MBP: variants seen among roughly 807,000 people sequenced by gnomAD.
The protein encoded by MBP is myelin basic protein.
Under a neutral mutation model 35.8 loss-of-function variants are expected in MBP, and 16 were observed. That is an observed-to-expected ratio of 0.45 (90% CI 0.30 to 0.68). The LOEUF is 0.68. MBP is among the 30% of genes least tolerant of loss of function. MBP has a pLI of 0.08. For missense variants in MBP, 380 were observed against 404.7 expected, an observed-to-expected ratio of 0.94 and a Z score of 0.52; for synonymous variants, 143 against 159.6, an observed-to-expected ratio of 0.90 and a Z score of 0.78.
At chr18:77,098,168 C>CTGTTTTTTTTTTTTTTTT (rs1975843264) in intron 2 of MBP, among the ~76,000 whole-genome samples, 1 of 108,546 alleles carries the variant, frequency 9.2e-6, no homozygotes, top group Non-Finnish European at 1.8e-5. Flanking sequence ...CAAGGACTTC[C>CTGTTTTTTTTTTTTTTTT]TTTTTTTTTT....
intron 1 of MBP, among the ~76,000 whole-genome samples, chr18:77,111,743 C>A (rs1300738567): frequency 1.3e-5 from 2 of 152,190 alleles, no homozygotes; most frequent in Non-Finnish European, 2.9e-5. Context: ...CACCGCCCAC[C>A]CTCCCTGCAG....
chr18:77,055,430 C>A (rs1275622019), intron 3 of MBP, among the ~76,000 whole-genome samples: 2 of 152,194 alleles, frequency 1.3e-5, no homozygotes, highest in Admixed American at 1.3e-4. Flanking sequence ...TCCCTCCCAG[C>A]CCAGTGCCAC....
intron 4 of MBP, among the ~76,000 whole-genome samples, chr18:77,001,539 G>C (rs1016671966): frequency 3.3e-5 from 5 of 152,160 alleles, no homozygotes; most frequent in African/African-American, 1.2e-4. Flanking sequence ...CTAGAACTTG[G>C]ATGACTTACT....
chr18:77,028,685 AGTAGGGGCGGCCGGGCAGAGGCGCC>A (rs1972365228), intron 3 of MBP, among the ~76,000 whole-genome samples: 2 of 84,496 alleles, frequency 2.4e-5, no homozygotes, highest in Non-Finnish European at 6.2e-5. Flanking sequence ...CTCACTTCCC[AGTAGGGGCGGCCGGGCAGAGGCGCC>A]CCTCACCTCC....
chr18:77,002,010 A>C (rs1471507679), intron 4 of MBP, among the ~76,000 whole-genome samples: 1 of 152,168 alleles, frequency 6.6e-6, no homozygotes, highest in African/African-American at 2.4e-5. Flanking sequence ...AACACAGTAC[A>C]TTTTGTTTCC....
At chr18:77,104,322 C>T (rs975599204) in intron 2 of MBP, among the ~76,000 whole-genome samples, 1 of 152,156 alleles carries the variant, frequency 6.6e-6, no homozygotes, top group African/African-American at 2.4e-5. Context: ...GGGCAAAGAC[C>T]CTGGCAGGTC....
intron 4 of MBP, among the ~76,000 whole-genome samples, chr18:76,998,411 C>A (rs1970444902): frequency 6.6e-6 from 1 of 152,242 alleles, no homozygotes; most frequent in African/African-American, 2.4e-5. Context: ...CTCATCCATT[C>A]ACCCTTCCGG....
rs1395503468 is a variant in MBP at position 77,028,656 on chromosome 18, TG to T, written c.140-11389del. ...CCACCTCCCTCCCGGACGGGGCAGCTGGCTGGGCAGAGGGGCTCCTCACTTC... is the reference window on the plus strand; with the variant it reads ...CCACCTCCCTCCCGGACGGGGCAGCTGCTGGGCAGAGGGGCTCCTCACTTC... On this transcript the variant is annotated intron_variant, in intron 3 of 8. Transcript: ENST00000355994. 2.0e-4 allele frequency among the ~76,000 whole-genome samples: 15 copies of T among 76,548 alleles called. 2 individuals carry two copies. The highest frequency in any genetic ancestry group is 1.4e-3 in the East Asian group (3 of 2,142). The allele number at this position is 76,548 out of a possible 152,430, so 50.2% of individuals were successfully genotyped here. A position where few individuals can be genotyped will look rare whatever the true frequency, so the allele number is the denominator to read the frequency against.
At chr18:77,120,471 C>T (rs538675985) in intron 1 of MBP, among the ~76,000 whole-genome samples, 14 of 152,308 alleles carry the variant, frequency 9.2e-5, no homozygotes, top group Non-Finnish European at 1.6e-4. Flanking sequence ...GCCCCCCAGG[C>T]GCTGATTTGG....
At chr18:77,068,812 A>T (rs1363786593) in intron 2 of MBP, among the ~76,000 whole-genome samples, 1 of 152,130 alleles carries the variant, frequency 6.6e-6, no homozygotes, top group Non-Finnish European at 1.5e-5. Context: ...TTTTTAACAC[A>T]AGTAGAAAAC....
At chr18:77,027,119 T>C (rs1002598086) in intron 3 of MBP, among the ~76,000 whole-genome samples, 1 of 151,972 alleles carries the variant, frequency 6.6e-6, no homozygotes, top group Non-Finnish European at 1.5e-5. Context: ...ATAGGAAAAG[T>C]TAGGGATGAA....
intron 3 of MBP, chr18:77,065,951 G>A (rs1455315726): frequency 8.8e-6 from 2 of 226,734 alleles, no homozygotes; most frequent in South Asian, 1.7e-4. Context: ...TCGACCTCCT[G>A]GGCCCAAGTG....
chr18:76,980,134 C>T lies in MBP; in HGVS notation c.*293G>A. On this transcript the variant is annotated 3_prime_UTR_variant, in exon 9 of 9. Coordinates refer to ENST00000355994, the MANE Select transcript of MBP (RefSeq NM_001025101.2). Reference sequence around the variant, plus strand: ...GGGTGAACGTGGAGGGACGTCTGTGCACCTGGCCCCCTGAAGACCCACGTG... The same window carrying T: ...GGGTGAACGTGGAGGGACGTCTGTGTACCTGGCCCCCTGAAGACCCACGTG... The T allele has an allele frequency of 1.5e-6, 1 of 661,942 alleles. No individual in the cohort carries two copies. The highest frequency in any genetic ancestry group is 2.7e-5 in the East Asian group (1 of 36,998). The allele number at this position is 661,942 out of a possible 1,614,324, so 41.0% of individuals were successfully genotyped here. A position where few individuals can be genotyped will look rare whatever the true frequency, so the allele number is the denominator to read the frequency against.
At chr18:77,099,915 G>A (rs1350810273) in intron 2 of MBP, among the ~76,000 whole-genome samples, 3 of 152,256 alleles carry the variant, frequency 2.0e-5, no homozygotes, top group Non-Finnish European at 4.4e-5. Context: ...CAGAGACTGC[G>A]TGTGGCTGCT....
At chr18:77,089,719 C>A (rs1975425498) in intron 2 of MBP, among the ~76,000 whole-genome samples, 1 of 152,238 alleles carries the variant, frequency 6.6e-6, no homozygotes, top group Non-Finnish European at 1.5e-5. Flanking sequence ...AGGGTCCCAT[C>A]CTGCCGTGAC....
At chr18:77,031,637 A>T (rs990671416) in intron 3 of MBP, among the ~76,000 whole-genome samples, 4 of 152,250 alleles carry the variant, frequency 2.6e-5, no homozygotes, top group African/African-American at 9.6e-5. Flanking sequence ...CATATCTAAT[A>T]GACGAACATC....
intron 1 of MBP, chr18:77,115,663 C>G (rs1976637416): frequency 6.6e-6 from 1 of 152,268 alleles, no homozygotes; most frequent in African/African-American, 2.4e-5. Context: ...TACTGGGTGA[C>G]TGCCTTTCAG....
At chr18:77,116,877 C>A (rs1426312093) in intron 1 of MBP, among the ~76,000 whole-genome samples, 2 of 151,220 alleles carry the variant, frequency 1.3e-5, no homozygotes, top group Non-Finnish European at 2.9e-5. Flanking sequence ...AAAAAAAAAA[C>A]AAAACAAACA....
chr18:76,997,705 C>T (rs370741571), intron 4 of MBP, among the ~76,000 whole-genome samples: 232 of 149,178 alleles, frequency 1.6e-3, no homozygotes, highest in African/African-American at 4.9e-3. Flanking sequence ...TTTTTTGAGA[C>T]GGAGTCTCAC....
Sources: gnomAD v4.1 joint callset for allele counts (sites outside exome capture counted in the v4.1 genomes callset) on GRCh38, gnomAD v4.1.1 for gene constraint, MANE v1.5 for transcripts, NCBI Gene and HGNC (gene_info 2026-07-23, HGNC 2026-07-21) for gene names.